Variants in DLC1 observed in about 807,000 individuals in gnomAD.
The protein encoded by DLC1 is DLC1 Rho GTPase activating protein, also known as rho GTPase-activating protein 7.
Under a neutral mutation model 140.3 loss-of-function variants are expected in DLC1, and 54 were observed. The observed-to-expected ratio is 0.38, with a 90% CI of 0.31 to 0.48. DLC1 has a LOEUF of 0.48. DLC1 is among the 20% of genes least tolerant of loss of function. The pLI, the probability that DLC1 is intolerant of heterozygous loss-of-function variation, is 0.96. For synonymous variants in DLC1, 986 were observed against 728.1 expected (o/e 1.35, Z -5.70); for missense variants, 2,536 against 1,907.0 (o/e 1.33, Z -6.14).
intron 5 of DLC1, among the ~76,000 whole-genome samples, chr8:13,188,844 T>TATATATATATG (rs1491498157): frequency 7.7e-5 from 2 of 25,834 alleles, no homozygotes; most frequent in East Asian, 7.0e-3. Context: ...TATATATATA[T>TATATATATATG]TTTTTTTTTT....
intron 5 of DLC1, among the ~76,000 whole-genome samples, chr8:13,177,155 G>A (rs1164261800): frequency 1.3e-5 from 2 of 151,970 alleles, no homozygotes; most frequent in African/African-American, 2.4e-5. Flanking sequence ...AAATATTATG[G>A]GACAATGATA....
intron 2 of DLC1, among the ~76,000 whole-genome samples, chr8:13,491,667 T>A (rs1033107979): frequency 1.3e-5 from 2 of 152,172 alleles, no homozygotes; most frequent in Non-Finnish European, 1.5e-5. Context: ...GTAATAATGA[T>A]CTCAGTCTTG....
intron 1 of DLC1, among the ~76,000 whole-genome samples, chr8:13,508,619 T>G (rs193021411): frequency 1.3e-5 from 2 of 151,870 alleles, no homozygotes; most frequent in African/African-American, 4.8e-5. Flanking sequence ...AGGGTTTCAC[T>G]GTGTTAGCCA....
At chr8:13,561,053 T>C (rs1024373106) in intron 1 of DLC1, among the ~76,000 whole-genome samples, 3 of 152,178 alleles carry the variant, frequency 2.0e-5, no homozygotes, top group Admixed American at 2.0e-4. Flanking sequence ...CTAGTTCGTA[T>C]TTCAACAGCT....
intron 1 of DLC1, among the ~76,000 whole-genome samples, chr8:13,597,186 C>T (rs1183631071): frequency 6.6e-6 from 1 of 151,970 alleles, no homozygotes; most frequent in Admixed American, 6.6e-5. Flanking sequence ...TTCTAACATT[C>T]AGAATCAGAA....
At chr8:13,286,886 C>A (rs573050902) in intron 5 of DLC1, among the ~76,000 whole-genome samples, 1 of 152,216 alleles carries the variant, frequency 6.6e-6, no homozygotes, top group African/African-American at 2.4e-5. Context: ...GATGTGTTTG[C>A]ATGACTTGAA....
intron 5 of DLC1, among the ~76,000 whole-genome samples, chr8:13,246,488 CGGAGAGAGAA>C (rs1409736472): frequency 6.6e-6 from 1 of 151,208 alleles, no homozygotes; most frequent in African/African-American, 2.4e-5. Flanking sequence ...GGCATTCTTA[CGGAGAGAGAA>C]GGAGAGAGTA....
chr8:13,190,108 T>G (rs1194228756), intron 5 of DLC1, among the ~76,000 whole-genome samples: 1 of 152,246 alleles, frequency 6.6e-6, no homozygotes, highest in Non-Finnish European at 1.5e-5. Flanking sequence ...ACTCAATGTA[T>G]TCCAAATATC....
intron 5 of DLC1, among the ~76,000 whole-genome samples, chr8:13,120,356 A>AAAAAAAAAAATATATATATATATATATAT: frequency 6.5e-5 from 4 of 61,134 alleles, no homozygotes; most frequent in East Asian, 7.2e-4. Flanking sequence ...AAAAAAAAAA[A>AAAAAAAAAAATATATATATATATATATAT]ATATATATAT....
At chr8:13,292,087 G>A (rs1374730345) in intron 5 of DLC1, among the ~76,000 whole-genome samples, 1 of 150,426 alleles carries the variant, frequency 6.6e-6, no homozygotes, top group Non-Finnish European at 1.5e-5. Flanking sequence ...TGATATTTGT[G>A]ATCTGCAGTT....
chr8:13,184,340 G>A (rs1037481021), intron 5 of DLC1, among the ~76,000 whole-genome samples: 11 of 152,058 alleles, frequency 7.2e-5, no homozygotes, highest in African/African-American at 2.7e-4. Flanking sequence ...CTTTCTGCTA[G>A]CTTTTGAATG....
At chr8:13,194,933 C>T (rs1385499577) in intron 5 of DLC1, among the ~76,000 whole-genome samples, 7 of 152,040 alleles carry the variant, frequency 4.6e-5, no homozygotes, top group Non-Finnish European at 7.4e-5. Flanking sequence ...TGGATTGTGC[C>T]CAGGAGTTTT....
chr8:13,514,889 A>C, upstream of DLC1: 1 of 368,212 alleles, frequency 2.7e-6, no homozygotes, highest in Non-Finnish European at 4.8e-6. Flanking sequence ...CCAGGCCCAG[A>C]TTGCCTGGAA....
At chr8:13,325,049 A>G (rs1239373217) in intron 4 of DLC1, among the ~76,000 whole-genome samples, 4 of 152,270 alleles carry the variant, frequency 2.6e-5, no homozygotes, top group African/African-American at 7.2e-5. Flanking sequence ...AATGCATCAC[A>G]TAGAAAACAG....
intron 5 of DLC1, among the ~76,000 whole-genome samples, chr8:13,269,245 C>T (rs532176016): frequency 6.6e-6 from 1 of 152,194 alleles, no homozygotes; most frequent in East Asian, 1.9e-4. Context: ...GTACTATAGT[C>T]GTGAGTTTGA....
At chr8:13,516,476 A>AT (rs1462731832), upstream of DLC1, among the ~76,000 whole-genome samples, 2 of 152,102 alleles carry the variant, frequency 1.3e-5, no homozygotes, top group African/African-American at 2.4e-5. Context: ...TCTAACTACT[A>AT]TTTTTTTCCT....
At chr8:13,239,826 T>A (rs1051650568) in intron 5 of DLC1, among the ~76,000 whole-genome samples, 6 of 152,034 alleles carry the variant, frequency 3.9e-5, no homozygotes, top group Admixed American at 1.3e-4. Context: ...CAGATAGAAA[T>A]GCACTCCTCA....
At chr8:13,520,358 CA>C (rs529061016) in intron 1 of DLC1, among the ~76,000 whole-genome samples, 41 of 152,220 alleles carry the variant, frequency 2.7e-4, no homozygotes, top group African/African-American at 9.2e-4. Context: ...TCATTCTCAG[CA>C]AAGTATCACA....
chr8:13,233,293 T>TAAAAAAAAA lies in DLC1; in HGVS notation c.1348+71967_1348+71975dup, dbSNP rs71207134. 1.0e-3 allele frequency among the ~76,000 whole-genome samples: 73 copies of TAAAAAAAAA among 70,400 alleles called. 2 individuals carry two copies. Among genetic ancestry groups the TAAAAAAAAA allele is most frequent in the African/African-American group, 3.2e-3 (56 of 17,318 alleles). 46.2% of individuals were successfully genotyped at this position (70,400 alleles called of 152,430 possible). On this transcript the variant is annotated intron_variant, in intron 5 of 17. Transcript: ENST00000276297. ...CTGGGCGATAGAATAAGACTCTGTA[T>TAAAAAAAAA]AAAAAAAAAAAAAAAAAAAAAAAAA...
Sources: allele counts gnomAD v4.1 joint callset (sites outside exome capture counted in the v4.1 genomes callset), GRCh38; gene constraint gnomAD v4.1.1; transcripts MANE v1.5; gene names NCBI Gene and HGNC (gene_info 2026-07-23, HGNC 2026-07-21).